The following TENM2 variants were observed in gnomAD, a reference collection of about 807,000 sequenced individuals.
TENM2 encodes teneurin-2.
Under a neutral mutation model 245.2 loss-of-function variants are expected in TENM2, and 52 were observed. That is an observed-to-expected ratio of 0.21 (90% confidence interval 0.17 to 0.27). The LOEUF (loss-of-function observed/expected upper bound fraction) is 0.27. Among genes scored for constraint, TENM2 ranks in the 10% least tolerant of loss-of-function variants. The pLI is 1.00. For missense variants in TENM2, 3,046 were observed against 3,666.8 expected, an observed-to-expected ratio of 0.83 and a Z score of 4.37; for synonymous variants, 1,363 against 1,438.9, an observed-to-expected ratio of 0.95 and a Z score of 1.19.
intron 12 of TENM2, among the ~76,000 whole-genome samples, chr5:168,143,761 G>T (rs964719056): frequency 5.3e-5 from 8 of 151,810 alleles, no homozygotes; most frequent in Non-Finnish European, 8.8e-5. Context: ...TGGGGCAAGG[G>T]CATGAGAGTT....
Position 168,157,246 on chromosome 5 carries a change from G to A in TENM2, c.2423-5365G>A, listed in dbSNP as rs73389248. ...GTGAGAAAAGTGAAAAGGAAAGGCCGAGTGGCTTAAGTCTAACCAAAGCCT... is the reference window on the plus strand; with the variant it reads ...GTGAGAAAAGTGAAAAGGAAAGGCCAAGTGGCTTAAGTCTAACCAAAGCCT... On this transcript the variant is annotated intron_variant, in intron 12 of 28. Coordinates refer to ENST00000518659, the Ensembl canonical transcript of TENM2. Among the ~76,000 whole-genome samples the A allele has an allele frequency of 4.7e-3, 717 of 152,200 alleles. 7 individuals are homozygous for A. The highest frequency in any genetic ancestry group is 0.016 in the African/African-American group (683 of 41,526).
At chr5:167,026,885 G>A in the TENM2 span, among the ~76,000 whole-genome samples, 92 of 152,194 alleles carry the variant, frequency 6.0e-4, 1 homozygote, top group African/African-American at 2.1e-3. Context: ...GCAACATAGC[G>A]AATGAGCTAC....
At chr5:167,039,729 G>A in the TENM2 span, among the ~76,000 whole-genome samples, 293 of 95,610 alleles carry the variant, frequency 3.1e-3, 2 homozygotes, top group African/African-American at 0.017. Context: ...CTTTAAAGAT[G>A]TATTTTTTTT....
the TENM2 span, among the ~76,000 whole-genome samples, chr5:167,232,522 G>T: frequency 6.6e-6 from 1 of 151,936 alleles, no homozygotes; most frequent in African/African-American, 2.4e-5. Flanking sequence ...ACAGGCCCCT[G>T]CCACTGCTGC....
chr5:168,112,150 A>T (rs756589185), intron 9 of TENM2, among the ~76,000 whole-genome samples: 76 of 152,306 alleles, frequency 5.0e-4, no homozygotes, highest in Non-Finnish European at 9.6e-4. Flanking sequence ...CCAGGAAAAT[A>T]AAATTAGTCT....
chr5:167,146,154 T>G, the TENM2 span, among the ~76,000 whole-genome samples: 2 of 152,182 alleles, frequency 1.3e-5, no homozygotes, highest in Admixed American at 1.3e-4. Context: ...CTGCCAGTCC[T>G]TCTGGGACCC....
rs35040257 is a variant in TENM2 at position 168,195,551 on chromosome 5, CGTGTGTGTGTGTGTGTGTGTGTGT to C, written c.2900+293_2900+316del. Among the ~76,000 whole-genome samples, 345 of 98,238 alleles carry C rather than the reference CGTGTGTGTGTGTGTGTGTGTGTGT, an allele frequency of 3.5e-3. 2 individuals carry two copies. Among genetic ancestry groups the C allele is most frequent in the East Asian group, 0.016 (60 of 3,666 alleles). 64.4% of individuals were successfully genotyped at this position (98,238 alleles called of 152,430 possible). On this transcript the variant is annotated intron_variant, in intron 15 of 28. Coordinates refer to ENST00000518659, the Ensembl canonical transcript of TENM2. ...GTTTTTTTAATGTCAGGTCAATGCACGTGTGTGTGTGTGTGTGTGTGTGTGTGTGTGTGTGTGTGTGTGTGTGTG... is the reference window on the plus strand; with the variant it reads ...GTTTTTTTAATGTCAGGTCAATGCACGTGTGTGTGTGTGTGTGTGTGTGTG...
chr5:167,718,571 C>T (rs1275723299), intron 2 of TENM2, among the ~76,000 whole-genome samples: 1 of 152,126 alleles, frequency 6.6e-6, no homozygotes, highest in East Asian at 1.9e-4. Flanking sequence ...TAAAGGGGGC[C>T]AAAGTCAAAT....
the TENM2 span, among the ~76,000 whole-genome samples, chr5:167,015,271 C>T: frequency 1.4e-4 from 22 of 152,184 alleles, no homozygotes; most frequent in East Asian, 5.8e-4. Flanking sequence ...TTCTAAAATG[C>T]GATGGAAGTA....
chr5:167,393,048 G>A (rs1417048508), intron 2 of TENM2, among the ~76,000 whole-genome samples: 2 of 151,590 alleles, frequency 1.3e-5, no homozygotes, highest in Admixed American at 6.6e-5. Context: ...CTTCAACCAA[G>A]GAGGCAGAGG....
intron 23 of TENM2, among the ~76,000 whole-genome samples, chr5:168,219,958 G>A (rs1763528810): frequency 6.6e-6 from 1 of 151,738 alleles, no homozygotes; most frequent in African/African-American, 2.4e-5. Flanking sequence ...GTAAAAGGAA[G>A]CTGTTGCCAC....
intron 10 of TENM2, among the ~76,000 whole-genome samples, chr5:168,118,692 G>A (rs1179527454): frequency 2.6e-5 from 4 of 152,190 alleles, no homozygotes; most frequent in East Asian, 1.9e-4. Flanking sequence ...TGGAAGAAAC[G>A]TTTTGTTTTA....
intron 5 of TENM2, among the ~76,000 whole-genome samples, chr5:168,003,185 G>A (rs934652191): frequency 1.3e-5 from 2 of 152,058 alleles, no homozygotes; most frequent in Admixed American, 6.6e-5. Flanking sequence ...ATATGTACAA[G>A]GGTCTAACCA....
At position 167,318,306 on chromosome 5, in the gene TENM2, C is replaced by T. The variant is rs182056476; in HGVS notation, c.226+33243C>T. ...ATTAACCATTTCAGAATAGGGAAGT[C>T]TTTTAAATATGATTCATGTTAGAAA... On this transcript the variant is annotated intron_variant, in intron 1 of 28. Coordinates refer to ENST00000518659, the Ensembl canonical transcript of TENM2. Among the ~76,000 whole-genome samples the T allele has an allele frequency of 1.7e-4, 26 of 152,196 alleles. No individual in the cohort carries two copies. In the East Asian group the frequency reaches 5.0e-3, roughly 29 times the overall value.
chr5:167,622,036 A>G (rs1778208819), intron 2 of TENM2, among the ~76,000 whole-genome samples: 1 of 152,206 alleles, frequency 6.6e-6, no homozygotes, highest in South Asian at 2.1e-4. Context: ...TGACAGCTGC[A>G]TGTGTTTACA....
At chr5:167,089,504 A>G in the TENM2 span, among the ~76,000 whole-genome samples, 1 of 152,176 alleles carries the variant, frequency 6.6e-6, no homozygotes, top group Non-Finnish European at 1.5e-5. Context: ...AAAAGAGATT[A>G]GGGGCTCTTT....
chr5:167,451,728 A>T (rs1765597589), intron 2 of TENM2, among the ~76,000 whole-genome samples: 1 of 151,716 alleles, frequency 6.6e-6, no homozygotes, highest in Admixed American at 6.6e-5. Flanking sequence ...GGCTCACTGC[A>T]AGCTCCGCCT....
At chr5:167,809,474 T>C (rs1469309617) in intron 2 of TENM2, among the ~76,000 whole-genome samples, 5 of 152,130 alleles carry the variant, frequency 3.3e-5, no homozygotes. Flanking sequence ...GGAATTCAAT[T>C]TGATGATCAC....
chr5:167,119,364 T>A, the TENM2 span: 2 of 152,152 alleles, frequency 1.3e-5, no homozygotes, highest in South Asian at 4.1e-4. Context: ...AGGAAATAGG[T>A]CACATTTTAA....
Sources: gnomAD v4.1 joint callset for allele counts (sites outside exome capture counted in the v4.1 genomes callset) on GRCh38, gnomAD v4.1.1 for gene constraint, MANE v1.5 for transcripts, NCBI Gene and HGNC (gene_info 2026-07-23, HGNC 2026-07-21) for gene names.